Variants in DPP6 observed in about 807,000 individuals in gnomAD.
DPP6 encodes A-type potassium channel modulatory protein DPP6.
DPP6 carries 69 observed loss-of-function variants against 122.6 expected under a neutral mutation model. The ratio of observed to expected loss-of-function variants is 0.56; its 90% CI spans 0.46 to 0.69. The LOEUF (loss-of-function observed/expected upper bound fraction) is 0.69, where lower values mean the gene tolerates loss of function less well. Among genes scored for constraint, DPP6 ranks in the 30% least tolerant of loss-of-function variants. The pLI is 0.00. For synonymous variants in DPP6, 418 were observed against 433.1 expected (o/e 0.97, Z 0.43); for missense variants, 928 against 1,116.9 (o/e 0.83, Z 2.41).
chr7:154,823,152 A>ATTAT (rs151023243), intron 16 of DPP6, among the ~76,000 whole-genome samples: 2,637 of 152,284 alleles, frequency 0.017, 59 homozygotes, highest in African/African-American at 0.056. Flanking sequence ...TCTTTAAGAC[A>ATTAT]TTATTTTTTT....
At chr7:154,743,842 A>C (rs1842923189) in intron 8 of DPP6, among the ~76,000 whole-genome samples, 1 of 152,234 alleles carries the variant, frequency 6.6e-6, no homozygotes. Flanking sequence ...CTGAGGACCC[A>C]GGTATATGAA....
chr7:154,258,450 G>A (rs1319331343), intron 1 of DPP6, among the ~76,000 whole-genome samples: 6 of 152,142 alleles, frequency 3.9e-5, no homozygotes, highest in South Asian at 2.1e-4. Context: ...CTGAGATCCC[G>A]TGGAAGGAGA....
chr7:153,909,082 G>T (rs539830535), intron 1 of DPP6, among the ~76,000 whole-genome samples: 56 of 152,284 alleles, frequency 3.7e-4, no homozygotes, highest in African/African-American at 1.3e-3. Flanking sequence ...TTATACATGT[G>T]TTGGTAAATA....
the DPP6 span, among the ~76,000 whole-genome samples, chr7:153,767,532 T>C: frequency 2.1e-5 from 1 of 47,864 alleles, no homozygotes; most frequent in Non-Finnish European, 4.0e-5. Flanking sequence ...AACACCCGGT[T>C]AATTTTTTTT....
intron 8 of DPP6, among the ~76,000 whole-genome samples, chr7:154,730,671 T>C (rs1182666513): frequency 6.6e-6 from 1 of 152,180 alleles, no homozygotes; most frequent in Non-Finnish European, 1.5e-5. Context: ...GCAGAAATTG[T>C]CTGACCTGAA....
the DPP6 span, among the ~76,000 whole-genome samples, chr7:153,866,285 C>T: frequency 1.3e-5 from 2 of 152,160 alleles, no homozygotes. Context: ...TAAAAGTGTT[C>T]CTATTTCTCT....
chr7:154,738,124 T>G (rs963490282), intron 8 of DPP6, among the ~76,000 whole-genome samples: 1 of 152,230 alleles, frequency 6.6e-6, no homozygotes, highest in Non-Finnish European at 1.5e-5. Context: ...ATCTCAGATA[T>G]GGTAAAGTCT....
chr7:154,112,432 G>T (rs535917413), intron 1 of DPP6, among the ~76,000 whole-genome samples: 7 of 152,030 alleles, frequency 4.6e-5, no homozygotes, highest in Non-Finnish European at 1.0e-4. Context: ...ATCATTTGAG[G>T]CCAGAAGTTC....
chr7:154,225,651 C>T (rs1800551870), intron 1 of DPP6, among the ~76,000 whole-genome samples: 1 of 152,166 alleles, frequency 6.6e-6, no homozygotes, highest in Non-Finnish European at 1.5e-5. Flanking sequence ...TTAGTAATCT[C>T]AGCACCTGTA....
At chr7:154,270,597 G>A (rs1261962902) in intron 1 of DPP6, among the ~76,000 whole-genome samples, 2 of 152,058 alleles carry the variant, frequency 1.3e-5, no homozygotes, top group Non-Finnish European at 2.9e-5. Context: ...GAAGCACATG[G>A]GTCTCCTTTC....
At chr7:154,568,172 C>T (rs1273494633) in intron 5 of DPP6, among the ~76,000 whole-genome samples, 1 of 152,228 alleles carries the variant, frequency 6.6e-6, no homozygotes, top group African/African-American at 2.4e-5. Context: ...CAGCCTCAGG[C>T]ACCTGGATGT....
intron 8 of DPP6, among the ~76,000 whole-genome samples, chr7:154,765,993 A>C (rs1795873024): frequency 6.6e-6 from 1 of 152,230 alleles, no homozygotes; most frequent in African/African-American, 2.4e-5. Flanking sequence ...GACATTTGGA[A>C]TTAATGCTAA....
the DPP6 span, among the ~76,000 whole-genome samples, chr7:153,774,509 G>A: frequency 6.6e-6 from 1 of 152,138 alleles, no homozygotes; most frequent in Non-Finnish European, 1.5e-5. Context: ...AGGACAAAAG[G>A]TTAACCATGA....
At chr7:154,687,145 G>A (rs141174802) in intron 7 of DPP6, among the ~76,000 whole-genome samples, 1,545 of 152,084 alleles carry the variant, frequency 0.01, 19 homozygotes, top group South Asian at 0.041. Flanking sequence ...GAGTGTAGAC[G>A]CTTGATGTAC....
the DPP6 span, among the ~76,000 whole-genome samples, chr7:153,822,123 C>T: frequency 2.7e-5 from 4 of 149,932 alleles, no homozygotes; most frequent in Non-Finnish European, 5.9e-5. Flanking sequence ...CCATTTTTTC[C>T]ACTCAGTTAT....
chr7:154,627,547 G>T (rs535932823), intron 5 of DPP6, among the ~76,000 whole-genome samples: 1 of 152,196 alleles, frequency 6.6e-6, no homozygotes, highest in East Asian at 1.9e-4. Flanking sequence ...CATGCAAATG[G>T]TATAAAATAT....
At chr7:154,525,139 A>G (rs1371913039) in intron 3 of DPP6, among the ~76,000 whole-genome samples, 1 of 152,146 alleles carries the variant, frequency 6.6e-6, no homozygotes, top group Admixed American at 6.5e-5. Flanking sequence ...TTAAATTTTA[A>G]CTGAATTTCC....
intron 1 of DPP6, among the ~76,000 whole-genome samples, chr7:153,917,340 A>G (rs966230064): frequency 9.9e-5 from 15 of 152,226 alleles, no homozygotes; most frequent in Non-Finnish European, 4.4e-5. Context: ...CCTCTTTGCT[A>G]CGTTTTTCCA....
At chr7:153,947,458 T>C (rs1435576236) in intron 1 of DPP6, among the ~76,000 whole-genome samples, 1 of 151,996 alleles carries the variant, frequency 6.6e-6, no homozygotes, top group Non-Finnish European at 1.5e-5. Context: ...CTTCTTAAGT[T>C]CTCTAGCCAG....
Sources: gnomAD v4.1 joint callset for allele counts (sites outside exome capture counted in the v4.1 genomes callset) on GRCh38, gnomAD v4.1.1 for gene constraint, MANE v1.5 for transcripts, NCBI Gene and HGNC (gene_info 2026-07-23, HGNC 2026-07-21) for gene names.